Variants in RAD51B observed in about 807,000 individuals in gnomAD.
The protein encoded by RAD51B is RAD51 paralog B.
RAD51B carries 38 observed loss-of-function variants against 42.2 expected under a neutral mutation model. The ratio of observed to expected loss-of-function variants is 0.90; its 90% CI spans 0.70 to 1.18. RAD51B has a LOEUF of 1.18. Ranked by LOEUF, RAD51B falls within the 50% of genes most tolerant of loss-of-function variation. The probability of loss-of-function intolerance (pLI) is 0.00; values close to 1 mark genes in which losing one functional copy is unlikely to be tolerated. For synonymous variants in RAD51B, 154 were observed against 145.2 expected, an observed-to-expected ratio of 1.06 and a Z score of -0.43; for missense variants, 373 against 400.7, an observed-to-expected ratio of 0.93 and a Z score of 0.59.
Position 68,291,887 on chromosome 14 carries a change from A to G in RAD51B, c.760A>G (p.Ile254Val), listed in dbSNP as rs1312290502. Residue 254 changes from isoleucine to valine, a missense_variant, in exon 8 of 11, where the codon ATC (isoleucine) becomes GTC (valine). By Grantham distance (29) the Ile-to-Val change is conservative (BLOSUM62 3). Coordinates refer to ENST00000471583, the MANE Select transcript of RAD51B (RefSeq NM_133510.4). ...CCTTCTCCCTGTCTGTTCACAGGTT[A>G]TCTTGACGAATCAGATTACAACCCA... is the stretch of plus-strand genomic sequence containing the variant. ...YLAEEFSIPV[I>V]LTNQITTHLS... The G allele has an allele frequency of 3.7e-6, 6 of 1,612,282 alleles. No individual in the cohort carries two copies. The highest frequency in any genetic ancestry group is 5.1e-6 in the Non-Finnish European group (6 of 1,178,672).
At chr14:68,612,019 GA>G (rs1385369383), downstream of RAD51B, among the ~76,000 whole-genome samples, 2 of 152,222 alleles carry the variant, frequency 1.3e-5, no homozygotes, top group Non-Finnish European at 2.9e-5. Context: ...ATGCCAACCT[GA>G]GCTGGTATAG....
At chr14:68,215,036 T>G (rs138245869) in intron 7 of RAD51B, among the ~76,000 whole-genome samples, 101 of 152,346 alleles carry the variant, frequency 6.6e-4, no homozygotes, top group African/African-American at 2.4e-3. Flanking sequence ...CTTTTAGGAT[T>G]TAGTTACCAT....
chr14:68,446,406 T>C (rs544124864), intron 9 of RAD51B, among the ~76,000 whole-genome samples: 1 of 152,320 alleles, frequency 6.6e-6, no homozygotes, highest in South Asian at 2.1e-4. Flanking sequence ...ATACCTACAC[T>C]ATGATTTTCC....
At chr14:68,557,129 G>A (rs1251451614) in intron 10 of RAD51B, among the ~76,000 whole-genome samples, 1 of 152,126 alleles carries the variant, frequency 6.6e-6, no homozygotes, top group Admixed American at 6.5e-5. Flanking sequence ...TCCCTTGTAT[G>A]GGGTCATTAT....
intron 10 of RAD51B, among the ~76,000 whole-genome samples, chr14:68,490,552 TA>T (rs1365300625): frequency 6.6e-6 from 1 of 152,238 alleles, no homozygotes; most frequent in Non-Finnish European, 1.5e-5. Flanking sequence ...CATCAACTAT[TA>T]CTGCATTTAA....
chr14:68,108,856 A>G (rs2077417462), intron 7 of RAD51B, among the ~76,000 whole-genome samples: 1 of 151,910 alleles, frequency 6.6e-6, no homozygotes, highest in African/African-American at 2.4e-5. Flanking sequence ...CCACCACTTC[A>G]ATTATCTGTT....
intron 6 of RAD51B, among the ~76,000 whole-genome samples, chr14:67,886,334 C>T (rs1177993466): frequency 3.9e-5 from 6 of 152,120 alleles, no homozygotes; most frequent in Non-Finnish European, 8.8e-5. Flanking sequence ...CTGGGTGTTT[C>T]TGGCTCAATG....
At chr14:67,852,552 A>G (rs2041862364) in intron 4 of RAD51B, among the ~76,000 whole-genome samples, 1 of 152,146 alleles carries the variant, frequency 6.6e-6, no homozygotes, top group South Asian at 2.1e-4. Context: ...AGAGTATGTG[A>G]TCCAAGAGTA....
At chr14:68,245,676 T>C (rs866972456) in intron 7 of RAD51B, among the ~76,000 whole-genome samples, 6 of 152,372 alleles carry the variant, frequency 3.9e-5, no homozygotes, top group African/African-American at 1.2e-4. Flanking sequence ...GGCGAATTCC[T>C]GCTCTCACAA....
At chr14:68,494,338 G>C (rs565118214) in intron 10 of RAD51B, among the ~76,000 whole-genome samples, 17 of 152,068 alleles carry the variant, frequency 1.1e-4, no homozygotes, top group Non-Finnish European at 2.2e-4. Flanking sequence ...GAAAAAGGGT[G>C]GGGGTAGTTC....
At chr14:68,521,453 C>T (rs534398344) in intron 10 of RAD51B, among the ~76,000 whole-genome samples, 103 of 152,284 alleles carry the variant, frequency 6.8e-4, no homozygotes, top group Non-Finnish European at 1.0e-3. Context: ...TTTCCTAGTC[C>T]CTAACTCAGA....
chr14:67,834,085 G>A (rs2041148644), intron 3 of RAD51B, among the ~76,000 whole-genome samples: 1 of 152,186 alleles, frequency 6.6e-6, no homozygotes, highest in Non-Finnish European at 1.5e-5. Context: ...TGTAGGCAGA[G>A]CTGCATTCTC....
At chr14:68,647,258 A>G (rs1892580121) in intron 10 of RAD51B, among the ~76,000 whole-genome samples, 1 of 152,196 alleles carries the variant, frequency 6.6e-6, no homozygotes, top group Admixed American at 6.5e-5. Context: ...TTGCTACTGC[A>G]TGTCTTATTG....
intron 7 of RAD51B, among the ~76,000 whole-genome samples, chr14:68,259,652 A>T (rs904553194): frequency 2.6e-5 from 4 of 152,062 alleles, no homozygotes; most frequent in Admixed American, 6.6e-5. Context: ...AAATGGCCAT[A>T]ATTTTGTATG....
At chr14:68,257,908 T>C (rs560026806) in intron 7 of RAD51B, among the ~76,000 whole-genome samples, 1 of 152,328 alleles carries the variant, frequency 6.6e-6, no homozygotes, top group African/African-American at 2.4e-5. Context: ...AATGGATAGA[T>C]TTATTAGTTA....
At chr14:68,259,536 A>G (rs1201002681) in intron 7 of RAD51B, among the ~76,000 whole-genome samples, 6 of 152,216 alleles carry the variant, frequency 3.9e-5, no homozygotes, top group Admixed American at 6.5e-5. Flanking sequence ...CTAGGTTATC[A>G]TGTGTAATTT....
chr14:68,602,159 C>G (rs368313136), intron 10 of RAD51B, among the ~76,000 whole-genome samples: 1 of 152,022 alleles, frequency 6.6e-6, no homozygotes, highest in Non-Finnish European at 1.5e-5. Context: ...TGCTCCCTTC[C>G]GTGGGCCGCT....
chr14:67,820,359 T>C (rs2040584448), intron 1 of RAD51B, among the ~76,000 whole-genome samples: 1 of 152,206 alleles, frequency 6.6e-6, no homozygotes, highest in Non-Finnish European at 1.5e-5. Flanking sequence ...CCGAAGCCTT[T>C]GGAACAGTGT....
At chr14:68,356,825 C>CA (rs1345594305) in intron 8 of RAD51B, among the ~76,000 whole-genome samples, 56 of 149,934 alleles carry the variant, frequency 3.7e-4, no homozygotes, top group African/African-American at 8.1e-4. Flanking sequence ...ACTAAAAATA[C>CA]AAAAAAAATT....
Sources: gnomAD v4.1 joint callset for allele counts (sites outside exome capture counted in the v4.1 genomes callset) on GRCh38, gnomAD v4.1.1 for gene constraint, MANE v1.5 for transcripts, NCBI Gene and HGNC (gene_info 2026-07-23, HGNC 2026-07-21) for gene names.